CASQ1: variants seen among roughly 807,000 people sequenced by gnomAD.
CASQ1 encodes calsequestrin 1, also known as calsequestrin-1.
CASQ1 carries 40 observed loss-of-function variants against 49.5 expected under a neutral mutation model. The ratio of observed to expected loss-of-function variants is 0.81; its 90% CI spans 0.63 to 1.05. The LOEUF is 1.05. Ranked by LOEUF, CASQ1 falls within the 50% of genes least tolerant of loss-of-function variation. The probability of loss-of-function intolerance (pLI) is 0.00; values close to 1 mark genes in which losing one functional copy is unlikely to be tolerated. For missense variants in CASQ1, 469 were observed against 486.9 expected (o/e 0.96, Z 0.35); for synonymous variants, 174 against 187.2 (o/e 0.93, Z 0.58).
chr1:160,201,358 CGATGATGAT>C lies in CASQ1; in HGVS notation c.1179_1187del (p.Asp394_Asp396del). On this transcript the variant is annotated inframe_deletion, in exon 11 of 11. Transcript: ENST00000368078. ...GCGAGATCAACACAGAGGACGATGA[CGATGATGAT>C]GATGACTAGTTGCTATGGCAACCAT... is the stretch of plus-strand genomic sequence containing the variant. The C allele has an allele frequency of 6.2e-7, 1 of 1,613,876 alleles. No individual in the cohort carries two copies. Among genetic ancestry groups the C allele is most frequent in the Non-Finnish European group, 8.5e-7 (1 of 1,179,846 alleles).
chr1:160,197,251 T>C (rs548959001), intron 6 of CASQ1, among the ~76,000 whole-genome samples: 1 of 152,332 alleles, frequency 6.6e-6, no homozygotes, highest in Admixed American at 6.5e-5. Flanking sequence ...GCATAGTGCT[T>C]AGAACATATC....
Position 160,190,772 on chromosome 1 carries a change from G to A in CASQ1, c.21G>A (p.Met7Ile), listed in dbSNP as rs145386265. 1.9e-6 allele frequency: 3 copies of A among 1,613,910 alleles called. No homozygotes were observed. The highest frequency in any genetic ancestry group is 2.7e-5 in the African/African-American group (2 of 74,908). Residue 7 changes from methionine (M) to isoleucine (I), a missense_variant, in exon 1 of 11, where the codon ATG becomes ATA. Met to Ile is a conservative substitution (Grantham distance 10). Coordinates refer to ENST00000368078, the MANE Select transcript of CASQ1 (RefSeq NM_001231.5). MSATDR[M>I]GPRAVPGLRL... ...CCTCCATGAGTGCTACAGACAGGAT[G>A]GGGCCCAGAGCTGTGCCGGGTCTGC...
At chr1:160,200,028 A>G in intron 10 of CASQ1, 103 bp downstream of exon 10, 2 of 786,176 alleles carry the variant, frequency 2.5e-6, no homozygotes, top group East Asian at 2.5e-5. Flanking sequence ...TTCTCACAGG[A>G]CGCAGACATG....
intron 6 of CASQ1, 114 bp downstream of exon 6, chr1:160,196,141 G>C: frequency 1.0e-6 from 1 of 1,001,000 alleles, no homozygotes; most frequent in African/African-American, 1.6e-5. Context: ...CTTGCCTGGA[G>C]ATGAATACAC....
chr1:160,192,836 G>T lies in CASQ1; in HGVS notation c.314G>T (p.Gly105Val), dbSNP rs1172992468. 2 of 1,613,944 alleles carry T rather than the reference G, an allele frequency of 1.2e-6. No homozygotes were observed. The highest frequency in any genetic ancestry group is 2.7e-5 in the African/African-American group (2 of 74,892). Reference protein sequence around the residue: ...AAQVLEDKGVGFGLVDSEKDA... With the variant: ...AAQVLEDKGVVFGLVDSEKDA... ...CAAGTCCTAGAAGACAAGGGTGTTG[G>T]CTTCGGGCTGGTAGACTCTGAGAAG... The change falls in exon 2 of 11, where the codon GGC (glycine) becomes GTC (valine). Residue 105 changes from glycine to valine, a missense_variant. Physicochemically the swap from Gly to Val is moderately radical, Grantham distance 109 (BLOSUM62 -3). Coordinates refer to ENST00000368078, the MANE Select transcript of CASQ1 (RefSeq NM_001231.5).
chr1:160,192,467 G>A (rs903569218), intron 1 of CASQ1, among the ~76,000 whole-genome samples: 2 of 152,174 alleles, frequency 1.3e-5, no homozygotes, highest in Non-Finnish European at 2.9e-5. Flanking sequence ...TGGAATGCAG[G>A]ACTCAACCCT....
chr1:160,196,598 C>T (rs966113689), intron 6 of CASQ1, among the ~76,000 whole-genome samples: 1 of 152,100 alleles, frequency 6.6e-6, no homozygotes, highest in Non-Finnish European at 1.5e-5. Context: ...CTTCCTCAGC[C>T]TCCCAGGTAG....
intron 8 of CASQ1, 103 bp from the exon 9 acceptor site, chr1:160,198,850 C>T (rs1654303812): frequency 8.4e-7 from 1 of 1,193,854 alleles, no homozygotes; most frequent in East Asian, 2.3e-5. Flanking sequence ...TAGGGCTAGA[C>T]ATGTGAAGCT....
At chr1:160,191,332 G>A (rs956460514) in intron 1 of CASQ1, among the ~76,000 whole-genome samples, 1 of 152,120 alleles carries the variant, frequency 6.6e-6, no homozygotes, top group Non-Finnish European at 1.5e-5. Context: ...AGGACACTGA[G>A]GGTGAAAAAG....
In CASQ1 at chr1:160,190,819, TG is replaced by T. The variant is rs762783087; in HGVS notation, c.70del (p.Val24CysfsTer2). 3 of 1,614,166 alleles carry T rather than the reference TG, an allele frequency of 1.9e-6. No individual in the cohort carries two copies. Among genetic ancestry groups the T allele is most frequent in the Non-Finnish European group, 1.7e-6 (2 of 1,180,010 alleles). ...CTGCGGCTGGCACTGCTGTTGCTGC[TG>T]GTGCTAGGGACACCCAAGTCAGGGG... Reference protein sequence around the residue: ...PGLRLALLLLLVLGTPKSGVQ... With the variant: ...PGLRLALLLLXVLGTPKSGVQ... On this transcript the variant is annotated frameshift_variant, in exon 1 of 11. Transcript: ENST00000368078. LOFTEE classifies it high-confidence loss of function.
Position 160,201,246 on chromosome 1 carries a change from C to A in CASQ1, c.1061C>A (p.Ala354Glu). 1 of 1,612,262 alleles carries A rather than the reference C, an allele frequency of 6.2e-7. No individual in the cohort carries two copies. The change falls in exon 11 of 11, where the codon GCG (alanine) becomes GAG (glutamate). Residue 354 changes from alanine to glutamate, a missense_variant and splice_region_variant. Coordinates refer to ENST00000368078, the MANE Select transcript of CASQ1 (RefSeq NM_001231.5). ...GTCCCTGCCTGTGCCATCTCCTAGG[C>A]GGATAGCGTATGGATGGAAATGGAC... ...PQIGVVNVTD[A>E]DSVWMEMDDE...
chr1:160,201,213 T>C, intron 10 of CASQ1, 32 bp from the exon 11 acceptor site: 2 of 1,605,366 alleles, frequency 1.2e-6, no homozygotes, highest in African/African-American at 1.3e-5. Flanking sequence ...GGGTTGGACT[T>C]AGCTTCCGTC....
chr1:160,195,984 A>C lies in CASQ1; in HGVS notation c.739A>C (p.Asn247His), dbSNP rs1444086244. The C allele has an allele frequency of 6.2e-7, 1 of 1,614,118 alleles. No homozygotes were observed. Reference sequence around the variant, plus strand: ...GCCTGTGACCATCCCAGACAAGCCCAATAGCGAAGAGGAGATTGTCAACTT... The same window carrying C: ...GCCTGTGACCATCCCAGACAAGCCCCATAGCGAAGAGGAGATTGTCAACTT... ...EEPVTIPDKP[N>H]SEEEIVNFVE... Residue 247 changes from asparagine (N) to histidine (H), a missense_variant, in exon 6 of 11, where the codon AAT becomes CAT. By Grantham distance (68) the Asn-to-His change is moderately conservative (BLOSUM62 1). Transcript: ENST00000368078.
At chr1:160,196,563 C>T (rs975049158) in intron 6 of CASQ1, among the ~76,000 whole-genome samples, 5 of 151,912 alleles carry the variant, frequency 3.3e-5, no homozygotes, top group African/African-American at 9.7e-5. Flanking sequence ...CTGCAGCCTC[C>T]GCCTCCCAGG....
In CASQ1 at chr1:160,201,883, T is replaced by C. The variant is rs1192305783; in HGVS notation, c.*507T>C. 1 of 155,800 alleles carries C rather than the reference T, an allele frequency of 6.4e-6. No homozygotes were observed. The highest frequency in any genetic ancestry group is 1.4e-5 in the Non-Finnish European group (1 of 70,060). The allele number at this position is 155,800 out of a possible 1,614,324, so 9.7% of individuals were successfully genotyped here. A position where few individuals can be genotyped will look rare whatever the true frequency, so the allele number is the denominator to read the frequency against. On this transcript the variant is annotated 3_prime_UTR_variant, in exon 11 of 11. Coordinates refer to ENST00000368078, the MANE Select transcript of CASQ1 (RefSeq NM_001231.5). ...CTCAATAAAGACATCTGGGGCAGCATGAACAAGTGTATTTTGGTGAAGTCT... is the reference window on the plus strand; with the variant it reads ...CTCAATAAAGACATCTGGGGCAGCACGAACAAGTGTATTTTGGTGAAGTCT...
At position 160,195,074 on chromosome 1, in the gene CASQ1, TGA is replaced by T. The variant is rs778474465; in HGVS notation, c.530_531del (p.Glu177GlyfsTer2). ...ERELQAFENI[E>X]DEIKLIGYFK... ...GAGAGCTGCAGGCGTTTGAGAATAT[TGA>T]GGATGAGATCAAACTCATTGGCTAC... On this transcript the variant is annotated frameshift_variant, in exon 4 of 11. Transcript: ENST00000368078. LOFTEE classifies it high-confidence loss of function. 6.2e-7 allele frequency: 1 copy of T among 1,613,388 alleles called. No individual in the cohort carries two copies. The highest frequency in any genetic ancestry group is 8.5e-7 in the Non-Finnish European group (1 of 1,179,646).
chr1:160,194,726 G>C (rs1654177168), intron 3 of CASQ1, among the ~76,000 whole-genome samples: 1 of 146,756 alleles, frequency 6.8e-6, no homozygotes, highest in African/African-American at 2.5e-5. Flanking sequence ...TGCACCACAT[G>C]CACACCACAC....
Position 160,201,227 on chromosome 1 carries a change from G to A in CASQ1, c.1060-18G>A. The stretch of plus-strand genomic sequence containing the variant: ...CGGGTTGGACTTAGCTTCCGTCCCT[G>A]CCTGTGCCATCTCCTAGGCGGATAG... On this transcript the variant is annotated intron_variant, in intron 10 of 10. Coordinates refer to ENST00000368078, the MANE Select transcript of CASQ1 (RefSeq NM_001231.5). 6.2e-7 allele frequency: 1 copy of A among 1,610,258 alleles called. No homozygotes were observed. Among genetic ancestry groups the A allele is most frequent in the Non-Finnish European group, 8.5e-7 (1 of 1,178,544 alleles).
chr1:160,190,873 C>T lies in CASQ1; in HGVS notation c.122C>T (p.Pro41Leu), dbSNP rs1320697273. 6 of 1,614,176 alleles carry T rather than the reference C, an allele frequency of 3.7e-6. No individual in the cohort carries two copies. The highest frequency in any genetic ancestry group is 3.3e-5 in the Admixed American group (2 of 60,026). ...GVQGQEGLDF[P>L]EYDGVDRVIN... is the part of the protein sequence containing the mutation. The stretch of plus-strand genomic sequence containing the variant: ...CAGGGGCAGGAAGGGCTGGACTTCC[C>T]TGAGTACGATGGTGTGGACCGTGTG... The change falls in exon 1 of 11, where the codon CCT (proline) becomes CTT (leucine). Residue 41 changes from proline (P) to leucine (L), a missense_variant. Physicochemically the swap from Pro to Leu is moderately conservative, Grantham distance 98. Coordinates refer to ENST00000368078, the MANE Select transcript of CASQ1 (RefSeq NM_001231.5).
Sources: gnomAD v4.1 joint callset for allele counts (sites outside exome capture counted in the v4.1 genomes callset) on GRCh38, gnomAD v4.1.1 for gene constraint, MANE v1.5 for transcripts, NCBI Gene and HGNC (gene_info 2026-07-23, HGNC 2026-07-21) for gene names.